Variants in APBA2 observed in about 807,000 individuals in gnomAD.
APBA2 encodes amyloid-beta A4 precursor protein-binding family A member 2.
In APBA2, 30 loss-of-function variants were observed where a neutral mutation model predicts 75.0. The ratio of observed to expected loss-of-function variants is 0.40; its 90% confidence interval spans 0.30 to 0.54. The LOEUF (loss-of-function observed/expected upper bound fraction) is 0.54. Among genes scored for constraint, APBA2 ranks in the 20% least tolerant of loss-of-function variants. APBA2 has a pLI of 0.49. For synonymous variants in APBA2, 444 were observed against 409.6 expected (o/e 1.08, Z -1.01); for missense variants, 801 against 1,016.1 (o/e 0.79, Z 2.88).
chr15:29,025,981 A>G (rs1479343674), intron 3 of APBA2, among the ~76,000 whole-genome samples: 2 of 114,898 alleles, frequency 1.7e-5, no homozygotes, highest in Non-Finnish European at 4.7e-5. Context: ...GAAATGGCCC[A>G]GAGATGGCGG....
At chr15:28,984,853 ATCTCTCTC>A (rs66710666) in intron 2 of APBA2, among the ~76,000 whole-genome samples, 1 of 74,008 alleles carries the variant, frequency 1.4e-5, no homozygotes, top group South Asian at 4.6e-4. Context: ...GAGCTGCTCT[ATCTCTCTC>A]TCTCTCTCTC....
rs765145999 is a variant in APBA2 at position 29,117,137 on chromosome 15, A to AG, written c.*4_*5insG. 33 of 1,612,314 alleles carry AG rather than the reference A, an allele frequency of 2.0e-5. No homozygotes were observed. Among genetic ancestry groups the AG allele is most frequent in the African/African-American group, 2.7e-5 (2 of 74,752 alleles). The stretch of plus-strand genomic sequence containing the variant: ...GGAGACCCCGCTGTACATCTAGGCC[A>AG]CCCCAGCCTGGCCACGCAGCCAGGA... On this transcript the variant is annotated 3_prime_UTR_variant, in exon 15 of 15. Transcript: ENST00000683413.
intron 1 of APBA2, among the ~76,000 whole-genome samples, chr15:28,892,369 C>G (rs1317493794): frequency 2.0e-5 from 3 of 152,248 alleles, no homozygotes; most frequent in East Asian, 1.9e-4. Flanking sequence ...GCCACCACGC[C>G]TGGCCCATGT....
At chr15:28,999,160 A>C (rs1056855502) in intron 3 of APBA2, among the ~76,000 whole-genome samples, 1 of 152,104 alleles carries the variant, frequency 6.6e-6, no homozygotes, top group African/African-American at 2.4e-5. Flanking sequence ...AAAAAAGAAA[A>C]AAAAAAAGGC....
At chr15:29,069,560 T>C (rs1208698059) in intron 4 of APBA2, among the ~76,000 whole-genome samples, 2 of 152,364 alleles carry the variant, frequency 1.3e-5, no homozygotes, top group Non-Finnish European at 2.9e-5. Context: ...GCCTCACCGC[T>C]TCAGCTCCTC....
chr15:29,063,736 C>T (rs901215811), intron 4 of APBA2, among the ~76,000 whole-genome samples: 4 of 150,674 alleles, frequency 2.7e-5, no homozygotes, highest in African/African-American at 9.8e-5. Context: ...GATGAGTTTT[C>T]AGTCCATGGG....
At chr15:28,893,261 T>G (rs912379009) in intron 1 of APBA2, among the ~76,000 whole-genome samples, 1 of 152,228 alleles carries the variant, frequency 6.6e-6, no homozygotes, top group African/African-American at 2.4e-5. Context: ...AGATGAGATG[T>G]GTGCAACTGT....
At chr15:28,942,282 G>A (rs1035028714) in intron 2 of APBA2, among the ~76,000 whole-genome samples, 3 of 152,172 alleles carry the variant, frequency 2.0e-5, no homozygotes, top group African/African-American at 7.2e-5. Context: ...GCAGCTCACT[G>A]CTGCCATTTC....
At chr15:28,940,603 G>T (rs1467639582) in intron 2 of APBA2, among the ~76,000 whole-genome samples, 1 of 151,740 alleles carries the variant, frequency 6.6e-6, no homozygotes, top group Non-Finnish European at 1.5e-5. Flanking sequence ...AAAGCCTCTG[G>T]AATCCGGAAC....
At chr15:28,977,768 C>T (rs529847295) in intron 2 of APBA2, among the ~76,000 whole-genome samples, 2 of 152,270 alleles carry the variant, frequency 1.3e-5, no homozygotes, top group Non-Finnish European at 2.9e-5. Context: ...ACAGCCTTTC[C>T]AGAAGGTACC....
At chr15:28,954,222 T>C (rs1022083976) in intron 2 of APBA2, among the ~76,000 whole-genome samples, 2 of 152,194 alleles carry the variant, frequency 1.3e-5, no homozygotes, top group African/African-American at 2.4e-5. Context: ...GCCAGTTTCC[T>C]GATGGTTCCT....
intron 11 of APBA2, among the ~76,000 whole-genome samples, chr15:29,105,972 T>C (rs530218685): frequency 1.1e-4 from 16 of 152,314 alleles, no homozygotes; most frequent in African/African-American, 2.4e-4. Context: ...AAAGTTCTTA[T>C]GGGCAGAGGA....
intron 2 of APBA2, among the ~76,000 whole-genome samples, chr15:28,971,681 CAG>C (rs2037075890): frequency 6.6e-6 from 1 of 152,218 alleles, no homozygotes; most frequent in South Asian, 2.1e-4. Flanking sequence ...GAGCTCCTCT[CAG>C]GGGAGGAGGA....
chr15:28,942,997 G>A (rs1439422539), intron 2 of APBA2, among the ~76,000 whole-genome samples: 6 of 152,204 alleles, frequency 3.9e-5, no homozygotes, highest in Admixed American at 6.5e-5. Flanking sequence ...CCTCTAATTT[G>A]TGCATGCTGT....
chr15:28,918,835 C>T lies in APBA2; in HGVS notation c.-204-2805C>T, dbSNP rs1037540184. On this transcript the variant is annotated intron_variant, in intron 1 of 14. Transcript: ENST00000683413. The surrounding 1 kb of genome is among the most constrained non-coding windows in gnomAD (Gnocchi z 4.2). ...CACTCACTGCGAGGCTGGGCAGGGCCGCTTGCCAGTTAATTGTGGGGATTA... is the reference window on the plus strand; with the variant it reads ...CACTCACTGCGAGGCTGGGCAGGGCTGCTTGCCAGTTAATTGTGGGGATTA... Among the ~76,000 whole-genome samples, 1 of 151,856 alleles carries T rather than the reference C, an allele frequency of 6.6e-6. No individual in the cohort carries two copies. The highest frequency in any genetic ancestry group is 2.4e-5 in the African/African-American group (1 of 41,344).
chr15:29,021,811 C>T (rs545364942), intron 3 of APBA2, among the ~76,000 whole-genome samples: 1 of 152,144 alleles, frequency 6.6e-6, no homozygotes, highest in Non-Finnish European at 1.5e-5. Context: ...CTTCCCCTAC[C>T]CCCAGCTCCT....
At chr15:28,912,401 A>C (rs2033471139) in intron 1 of APBA2, among the ~76,000 whole-genome samples, 1 of 152,256 alleles carries the variant, frequency 6.6e-6, no homozygotes, top group Non-Finnish European at 1.5e-5. Context: ...GGAGTTTTAG[A>C]ATATGCAAGG....
At chr15:28,981,140 A>G (rs545861935) in intron 2 of APBA2, among the ~76,000 whole-genome samples, 1 of 152,330 alleles carries the variant, frequency 6.6e-6, no homozygotes, top group South Asian at 2.1e-4. Flanking sequence ...AAGTCCTCAA[A>G]AGCAATTGCA....
chr15:28,921,266 C>T (rs1215038882), intron 1 of APBA2, among the ~76,000 whole-genome samples: 3 of 152,128 alleles, frequency 2.0e-5, no homozygotes, highest in African/African-American at 7.2e-5. Context: ...CGAGATTTCC[C>T]TTATCTTCCT....
Sources: gnomAD v4.1 joint callset for allele counts (sites outside exome capture counted in the v4.1 genomes callset) on GRCh38, gnomAD v4.1.1 for gene constraint, Gnocchi (gnomAD v3.1) non-coding constraint, MANE v1.5 for transcripts, NCBI Gene and HGNC (gene_info 2026-07-23, HGNC 2026-07-21) for gene names.